The following RBMS1 variants were observed in gnomAD, a reference collection of about 807,000 sequenced individuals.
RBMS1 encodes the protein RNA-binding motif, single-stranded-interacting protein 1.
In RBMS1, 17 loss-of-function variants were observed where a neutral mutation model predicts 62.3. The ratio of observed to expected loss-of-function variants is 0.27; its 90% CI spans 0.19 to 0.41. The LOEUF (loss-of-function observed/expected upper bound fraction) is 0.41, where lower values mean the gene tolerates loss of function less well. Among genes scored for constraint, RBMS1 ranks in the 10% least tolerant of loss-of-function variants. RBMS1 has a pLI of 1.00. For synonymous variants in RBMS1, 172 were observed against 170.0 expected, an observed-to-expected ratio of 1.01 and a Z score of -0.09; for missense variants, 334 against 504.5, an observed-to-expected ratio of 0.66 and a Z score of 3.24.
At chr2:160,429,654 G>T (rs934205214) in intron 1 of RBMS1, among the ~76,000 whole-genome samples, 2 of 152,092 alleles carry the variant, frequency 1.3e-5, no homozygotes, top group Non-Finnish European at 2.9e-5. Context: ...ATATGTTAAA[G>T]GTAACTTAAT....
At chr2:160,488,968 C>T (rs575126938) in intron 1 of RBMS1, among the ~76,000 whole-genome samples, 1 of 152,208 alleles carries the variant, frequency 6.6e-6, no homozygotes, top group Non-Finnish European at 1.5e-5. Context: ...CATGGAAATT[C>T]CCCACATTTG....
chr2:160,291,033 A>C (rs1688652082), intron 6 of RBMS1, among the ~76,000 whole-genome samples: 1 of 152,178 alleles, frequency 6.6e-6, no homozygotes, highest in Non-Finnish European at 1.5e-5. Flanking sequence ...ATTTGTACTA[A>C]AAAATCACTT....
In RBMS1 at chr2:160,288,687, A is replaced by G. The variant is rs1420210233; in HGVS notation, c.641-1603T>C. Among the ~76,000 whole-genome samples the G allele has an allele frequency of 3.3e-5, 5 of 152,192 alleles. 1 individual carries two copies. The highest frequency in any genetic ancestry group is 1.2e-4 in the African/African-American group (5 of 41,458). On this transcript the variant is annotated intron_variant, in intron 6 of 13. Transcript: ENST00000348849. ...ATCCACTGACATTTGAGGTTGTAAGATGTTGACTCCACATAATCTCGTAGA... is the reference window on the plus strand; with the variant it reads ...ATCCACTGACATTTGAGGTTGTAAGGTGTTGACTCCACATAATCTCGTAGA...
chr2:160,286,352 C>T, intron 7 of RBMS1, among the ~76,000 whole-genome samples: 1 of 142,992 alleles, frequency 7.0e-6, no homozygotes, highest in Non-Finnish European at 1.5e-5. Context: ...TGGAGTCTCG[C>T]TCTGTTGCCC....
Position 160,461,255 on chromosome 2 carries a change from A to AAG in RBMS1, c.75+32032_75+32033dup, listed in dbSNP as rs764820779. Among the ~76,000 whole-genome samples, 206 of 150,744 alleles carry AAG rather than the reference A, an allele frequency of 1.4e-3. 1 individual carries two copies. The highest frequency in any genetic ancestry group is 2.6e-3 in the Admixed American group (39 of 15,118). ...CAGAGCAAGACTCCATCTCGAAAGA[A>AAG]AGAGAGAGAGAGAGAGAGGGAGAGA... On this transcript the variant is annotated intron_variant, in intron 1 of 13. Coordinates refer to ENST00000348849, the MANE Select transcript of RBMS1 (RefSeq NM_016836.4).
Position 160,369,596 on chromosome 2 carries a change from T to A in RBMS1, c.76-2205A>T, listed in dbSNP as rs575038825. Among the ~76,000 whole-genome samples the A allele has an allele frequency of 5.9e-5, 9 of 152,328 alleles. No individual in the cohort carries two copies. In the East Asian group the frequency reaches 1.7e-3, roughly 29 times the overall value. Reference sequence around the variant, plus strand: ...AAACCATCCCTGACACAAGCCACACTGTTTTCACAGTAGGACCCAGTATGT... The same window carrying A: ...AAACCATCCCTGACACAAGCCACACAGTTTTCACAGTAGGACCCAGTATGT... On this transcript the variant is annotated intron_variant, in intron 1 of 13. Transcript: ENST00000348849.
chr2:160,279,724 C>G (rs1440521873), intron 10 of RBMS1: 2 of 152,120 alleles, frequency 1.3e-5, no homozygotes, highest in Non-Finnish European at 2.9e-5. Context: ...ACCTGGCATC[C>G]CTTAAATACA....
intron 2 of RBMS1, among the ~76,000 whole-genome samples, chr2:160,354,868 A>C (rs915970146): frequency 2.0e-5 from 3 of 152,116 alleles, no homozygotes; most frequent in African/African-American, 7.2e-5. Context: ...GCAAGAGGAG[A>C]GAAAGTCCAT....
Position 160,300,737 on chromosome 2 carries a change from A to G in RBMS1, c.561-7T>C. On this transcript the variant is annotated splice_region_variant and splice_polypyrimidine_tract_variant and intron_variant, in intron 5 of 13. Transcript: ENST00000348849. ...TTTTTCTGTTGATTCCATCCTATTTATAATAAAAATAGAATACATAAATAT... is the reference window on the plus strand; with the variant it reads ...TTTTTCTGTTGATTCCATCCTATTTGTAATAAAAATAGAATACATAAATAT... 1 of 1,575,302 alleles carries G rather than the reference A, an allele frequency of 6.3e-7. No homozygotes were observed. The highest frequency in any genetic ancestry group is 8.6e-7 in the Non-Finnish European group (1 of 1,164,326).
At chr2:160,349,263 T>C (rs1422417051) in intron 2 of RBMS1, among the ~76,000 whole-genome samples, 5 of 152,172 alleles carry the variant, frequency 3.3e-5, no homozygotes, top group Non-Finnish European at 7.4e-5. Flanking sequence ...AATTTGCTGA[T>C]GTCACCAATG....
At chr2:160,492,235 C>A (rs1040510161) in intron 1 of RBMS1, among the ~76,000 whole-genome samples, 3 of 152,182 alleles carry the variant, frequency 2.0e-5, no homozygotes, top group Non-Finnish European at 4.4e-5. Flanking sequence ...CTGAAGAAGG[C>A]TGCTGCGTCC....
chr2:160,449,172 G>A (rs1272088965), intron 1 of RBMS1, among the ~76,000 whole-genome samples: 4 of 150,384 alleles, frequency 2.7e-5, no homozygotes, highest in Non-Finnish European at 4.4e-5. Context: ...GAGCGTCTCC[G>A]CCGGGCAGCC....
In RBMS1 at chr2:160,367,244, C is replaced by T. The variant is rs753001447; in HGVS notation, c.223G>A (p.Asp75Asn). The T allele has an allele frequency of 4.3e-6, 7 of 1,613,328 alleles. No homozygotes were observed. The highest frequency in any genetic ancestry group is 2.2e-5 in the East Asian group (1 of 44,886). The change falls in exon 2 of 14, where the codon GAC becomes AAC. Residue 75 changes from aspartate (D) to asparagine (N), a missense_variant. Coordinates refer to ENST00000348849, the MANE Select transcript of RBMS1 (RefSeq NM_016836.4). ...TGACAGAGCTTCACCAGGTCCTGGT[C>T]GGTGGTGTGGGGAGGCAGTCCTCGG... is the stretch of plus-strand genomic sequence containing the variant. The part of the protein sequence containing the change: ...YIRGLPPHTT[D>N]QDLVKLCQPY...
intron 1 of RBMS1, among the ~76,000 whole-genome samples, chr2:160,433,386 C>T (rs1682980496): frequency 6.6e-6 from 1 of 152,230 alleles, no homozygotes. Flanking sequence ...TGCACGTTAG[C>T]CTGGCCCACA....
chr2:160,347,876 T>C (rs1692272845), intron 2 of RBMS1, among the ~76,000 whole-genome samples: 2 of 152,192 alleles, frequency 1.3e-5, no homozygotes, highest in Middle Eastern at 3.4e-3. Context: ...AGTGCTTTAT[T>C]ACTTAGTGCT....
intron 9 of RBMS1, chr2:160,283,293 T>A (rs1022387860): frequency 6.6e-6 from 1 of 152,206 alleles, no homozygotes; most frequent in Admixed American, 6.5e-5. Context: ...AAGACTACCT[T>A]TTCATAGCAG....
chr2:160,482,999 CAGAG>C (rs1010745490), intron 1 of RBMS1, among the ~76,000 whole-genome samples: 2 of 150,768 alleles, frequency 1.3e-5, no homozygotes, highest in African/African-American at 2.4e-5. Context: ...GTGACAGAGA[CAGAG>C]AGAGGTAGAA....
intron 1 of RBMS1, among the ~76,000 whole-genome samples, chr2:160,419,821 A>C (rs562873434): frequency 1.4e-3 from 212 of 152,366 alleles, no homozygotes; most frequent in African/African-American, 4.3e-3. Context: ...TGGGAAAAAA[A>C]CCAAACATTT....
At chr2:160,396,868 G>T (rs763943321) in intron 1 of RBMS1, among the ~76,000 whole-genome samples, 5 of 152,004 alleles carry the variant, frequency 3.3e-5, no homozygotes, top group Non-Finnish European at 7.4e-5. Context: ...CAGCCGTAGG[G>T]AATGTCTACC....
Sources: allele counts gnomAD v4.1 joint callset (sites outside exome capture counted in the v4.1 genomes callset), GRCh38; gene constraint gnomAD v4.1.1; transcripts MANE v1.5; gene names NCBI Gene and HGNC (gene_info 2026-07-23, HGNC 2026-07-21).